HS6ST3: variants seen among roughly 807,000 people sequenced by gnomAD.
The protein encoded by HS6ST3 is heparan-sulfate 6-O-sulfotransferase 3.
In HS6ST3, 12 loss-of-function variants were observed where a neutral mutation model predicts 36.7. The ratio of observed to expected loss-of-function variants is 0.33; its 90% CI spans 0.21 to 0.53. The LOEUF (loss-of-function observed/expected upper bound fraction) is 0.53. Ranked by LOEUF, HS6ST3 falls within the 20% of genes least tolerant of loss-of-function variation. The pLI, the probability that HS6ST3 is intolerant of heterozygous loss-of-function variation, is 0.95. For missense variants in HS6ST3, 584 were observed against 640.9 expected (o/e 0.91, Z 0.96); for synonymous variants, 240 against 257.5 (o/e 0.93, Z 0.65).
intron 1 of HS6ST3, among the ~76,000 whole-genome samples, chr13:96,400,195 ATG>A: frequency 1.3e-5 from 2 of 149,664 alleles, no homozygotes; most frequent in African/African-American, 4.9e-5. Context: ...AGACACATAT[ATG>A]CAGACACACA....
chr13:96,756,693 G>T (rs987056951), intron 1 of HS6ST3, among the ~76,000 whole-genome samples: 26 of 152,112 alleles, frequency 1.7e-4, no homozygotes, highest in African/African-American at 6.0e-4. Context: ...ATTATGGAAG[G>T]TTTCCATACA....
rs558058406 is a variant in HS6ST3, at chr13:96,463,435, C to T, written c.708-369055C>T. Among the ~76,000 whole-genome samples, 4 of 151,852 alleles carry T rather than the reference C, an allele frequency of 2.6e-5. No individual in the cohort carries two copies. In the South Asian group the frequency reaches 6.3e-4, roughly 24 times the overall value. ...TGAAATTGGGTGCCTGCCTCCATACCAAGAGTAAATTACAAGTAATTAAAA... is the reference window on the plus strand; with the variant it reads ...TGAAATTGGGTGCCTGCCTCCATACTAAGAGTAAATTACAAGTAATTAAAA... On this transcript the variant is annotated intron_variant, in intron 1 of 1. Transcript: ENST00000376705.
intron 1 of HS6ST3, among the ~76,000 whole-genome samples, chr13:96,231,413 C>T (rs117044205): frequency 0.027 from 4,126 of 152,206 alleles, 72 homozygotes; most frequent in Non-Finnish European, 0.043. Context: ...GTTCCATAGG[C>T]TGTACATGAA....
At chr13:96,514,644 C>T (rs771990166) in intron 1 of HS6ST3, among the ~76,000 whole-genome samples, 4 of 152,158 alleles carry the variant, frequency 2.6e-5, no homozygotes, top group Non-Finnish European at 4.4e-5. Flanking sequence ...CAGAGGCAAT[C>T]GTACCTTGCT....
chr13:96,411,895 G>A (rs1484669532), intron 1 of HS6ST3, among the ~76,000 whole-genome samples: 1 of 152,190 alleles, frequency 6.6e-6, no homozygotes, highest in East Asian at 1.9e-4. Flanking sequence ...TCAGGGTTGA[G>A]TCACCAGGGG....
chr13:96,358,116 G>C (rs2055219043), intron 1 of HS6ST3, among the ~76,000 whole-genome samples: 1 of 152,080 alleles, frequency 6.6e-6, no homozygotes, highest in African/African-American at 2.4e-5. Flanking sequence ...TGCCTGTAGA[G>C]TACATATATG....
chr13:96,092,128 T>G (rs1345908836), intron 1 of HS6ST3, among the ~76,000 whole-genome samples: 1 of 152,158 alleles, frequency 6.6e-6, no homozygotes, highest in African/African-American at 2.4e-5. Context: ...TGCAAATTCC[T>G]GTTCTACCGC....
At chr13:96,584,629 T>A (rs1268902331) in intron 1 of HS6ST3, among the ~76,000 whole-genome samples, 12 of 152,356 alleles carry the variant, frequency 7.9e-5, no homozygotes, top group East Asian at 3.9e-4. Flanking sequence ...CAGGTACTGT[T>A]AGGCTTAAGT....
chr13:96,396,425 A>G (rs1005852136), intron 1 of HS6ST3, among the ~76,000 whole-genome samples: 3 of 152,110 alleles, frequency 2.0e-5, no homozygotes, highest in Admixed American at 6.6e-5. Context: ...GAAAAATTCT[A>G]TCTTTCTAGA....
chr13:96,483,480 C>T (rs1254912732), intron 1 of HS6ST3, among the ~76,000 whole-genome samples: 1 of 152,076 alleles, frequency 6.6e-6, no homozygotes, highest in African/African-American at 2.4e-5. Flanking sequence ...CCTGCAAGGT[C>T]ATATGAAGTG....
rs143334941 is a variant in HS6ST3 at position 96,494,640 on chromosome 13, T to G, written c.708-337850T>G. ...TTTCATTAAGCTCCAATAGAAAATT[T>G]GAAACATCCTGTTTCAAAACACACA... On this transcript the variant is annotated intron_variant, in intron 1 of 1. Transcript: ENST00000376705. 4.5e-3 allele frequency among the ~76,000 whole-genome samples: 682 copies of G among 151,584 alleles called. 7 individuals carry two copies. Among genetic ancestry groups the G allele is most frequent in the Non-Finnish European group, 5.8e-3 (397 of 67,956 alleles).
At chr13:96,218,419 G>A (rs948555224) in intron 1 of HS6ST3, among the ~76,000 whole-genome samples, 6 of 152,194 alleles carry the variant, frequency 3.9e-5, no homozygotes, top group African/African-American at 7.2e-5. Context: ...GGGTGGAGAA[G>A]GGTGGAAAGA....
chr13:96,481,170 A>G (rs1712317423), intron 1 of HS6ST3, among the ~76,000 whole-genome samples: 1 of 152,206 alleles, frequency 6.6e-6, no homozygotes, highest in Non-Finnish European at 1.5e-5. Flanking sequence ...CCTTTGCCCC[A>G]GACACCAATT....
intron 1 of HS6ST3, among the ~76,000 whole-genome samples, chr13:96,784,951 T>A (rs1877611076): frequency 6.6e-6 from 1 of 152,184 alleles, no homozygotes; most frequent in East Asian, 1.9e-4. Flanking sequence ...GCAGATCGCT[T>A]GAGGTCAGGA....
At chr13:96,598,139 T>A (rs778639440) in intron 1 of HS6ST3, among the ~76,000 whole-genome samples, 2 of 152,188 alleles carry the variant, frequency 1.3e-5, no homozygotes, top group African/African-American at 2.4e-5. Flanking sequence ...TTCTTAGGAT[T>A]GCTTTGGCTA....
intron 1 of HS6ST3, among the ~76,000 whole-genome samples, chr13:96,103,044 A>G (rs192780923): frequency 1.3e-5 from 2 of 152,274 alleles, no homozygotes; most frequent in Admixed American, 6.5e-5. Context: ...TTAAAAATCC[A>G]TGATTCTCTT....
chr13:96,312,307 T>C (rs2054945402), intron 1 of HS6ST3, among the ~76,000 whole-genome samples: 1 of 152,222 alleles, frequency 6.6e-6, no homozygotes, highest in Admixed American at 6.5e-5. Flanking sequence ...GTTATTTATA[T>C]ATTAGAAAAA....
intron 1 of HS6ST3, among the ~76,000 whole-genome samples, chr13:96,796,486 GT>G (rs1566455891): frequency 6.6e-6 from 1 of 152,028 alleles, no homozygotes; most frequent in Non-Finnish European, 1.5e-5. Context: ...AGTTTTCAAG[GT>G]TAACTTTTTA....
At chr13:96,717,636 A>T (rs1444772572) in intron 1 of HS6ST3, among the ~76,000 whole-genome samples, 2 of 152,144 alleles carry the variant, frequency 1.3e-5, no homozygotes, top group African/African-American at 4.8e-5. Context: ...ATTCCTATTT[A>T]ATTTTATTTA....
Sources: allele counts gnomAD v4.1 joint callset (sites outside exome capture counted in the v4.1 genomes callset), GRCh38; gene constraint gnomAD v4.1.1; transcripts MANE v1.5; gene names NCBI Gene and HGNC (gene_info 2026-07-23, HGNC 2026-07-21).